The following NTF3 variants were observed in gnomAD, a reference collection of about 807,000 sequenced individuals.
NTF3 encodes the protein neurotrophin-3.
A neutral mutation model predicts 26.3 loss-of-function variants in NTF3; 8 were observed. The ratio of observed to expected loss-of-function variants is 0.30; its 90% confidence interval spans 0.18 to 0.55. The LOEUF (loss-of-function observed/expected upper bound fraction) is 0.55, where lower values mean the gene tolerates loss of function less well. Ranked by LOEUF, NTF3 falls within the 20% of genes least tolerant of loss-of-function variation. NTF3 has a pLI of 0.93. For missense variants in NTF3, 276 were observed against 352.9 expected (o/e 0.78, Z 1.75); for synonymous variants, 154 against 145.5 (o/e 1.06, Z -0.42).
rs980540397 is a variant in NTF3 at position 5,456,742 on chromosome 12, T to G, written c.18+24400T>G. Among the ~76,000 whole-genome samples the G allele has an allele frequency of 4.6e-5, 7 of 152,122 alleles. No individual in the cohort carries two copies. The highest frequency in any genetic ancestry group is 2.9e-5 in the Non-Finnish European group (2 of 68,010). Reference sequence around the variant, plus strand: ...ACAGATGGGATGACAAGGACCAAATTCTGTTTCTGGGCTCTGATATTTGCC... The same window carrying G: ...ACAGATGGGATGACAAGGACCAAATGCTGTTTCTGGGCTCTGATATTTGCC... On this transcript the variant is annotated intron_variant, in intron 1 of 1. Coordinates refer to ENST00000423158, the MANE Select transcript of NTF3 (RefSeq NM_001102654.2). The surrounding 1 kb of genome is among the most constrained non-coding windows in gnomAD (Gnocchi z 4.4).
At chr12:5,462,718 G>A (rs773951306) in intron 1 of NTF3, among the ~76,000 whole-genome samples, 1 of 152,206 alleles carries the variant, frequency 6.6e-6, no homozygotes, top group Non-Finnish European at 1.5e-5. Flanking sequence ...TTCTTAAGAT[G>A]CTTATTAAAT....
chr12:5,484,042 C>T (rs1191633927), intron 1 of NTF3, among the ~76,000 whole-genome samples: 1 of 152,164 alleles, frequency 6.6e-6, no homozygotes, highest in Admixed American at 6.5e-5. Context: ...TCATCTGGGA[C>T]CCCTGTGCCT....
chr12:5,480,295 C>G (rs557424462), intron 1 of NTF3, among the ~76,000 whole-genome samples: 1 of 152,244 alleles, frequency 6.6e-6, no homozygotes, highest in African/African-American at 2.4e-5. Context: ...ATTGGAAGTT[C>G]GGGTGGAAAA....
At chr12:5,430,338 A>G (rs894602299), upstream of NTF3, among the ~76,000 whole-genome samples, 8 of 151,972 alleles carry the variant, frequency 5.3e-5, no homozygotes, top group African/African-American at 1.9e-4. Context: ...GCCCAATCCA[A>G]ACCTTCATGG....
At chr12:5,446,975 C>T (rs1940314460) in intron 1 of NTF3, among the ~76,000 whole-genome samples, 3 of 152,132 alleles carry the variant, frequency 2.0e-5, no homozygotes, top group South Asian at 2.1e-4. Flanking sequence ...AGGTGGGCAG[C>T]GGGGTGGAGA....
intron 1 of NTF3, among the ~76,000 whole-genome samples, chr12:5,457,538 T>G (rs564053355): frequency 1.3e-5 from 2 of 152,170 alleles, no homozygotes; most frequent in Non-Finnish European, 2.9e-5. Context: ...CTTTTGCTCC[T>G]TTATCTGACC....
At chr12:5,463,294 T>G (rs868589846) in intron 1 of NTF3, among the ~76,000 whole-genome samples, 2 of 152,370 alleles carry the variant, frequency 1.3e-5, no homozygotes, top group Middle Eastern at 3.4e-3. Context: ...CTGAATCAAC[T>G]GTCTTTTTTC....
intron 1 of NTF3, among the ~76,000 whole-genome samples, chr12:5,436,640 C>T (rs188087413): frequency 3.0e-4 from 45 of 152,278 alleles, no homozygotes; most frequent in Admixed American, 1.6e-3. Context: ...GGTGCTAGCA[C>T]GTATGTAGGT....
At position 5,494,158 on chromosome 12, in the gene NTF3, C is replaced by A; in HGVS notation, c.19-36C>A. On this transcript the variant is annotated intron_variant, in intron 1 of 1. Transcript: ENST00000423158. This position sits in a 1 kb window ranked among gnomAD's most constrained non-coding sequence, Gnocchi z 8.3. Reference sequence around the variant, plus strand: ...GCCAGAATAACACAGACTCAGCTGCCAGAGCCTGCTCTTAACACCTGTGTT... The same window carrying A: ...GCCAGAATAACACAGACTCAGCTGCAAGAGCCTGCTCTTAACACCTGTGTT... 1 of 1,593,880 alleles carries A rather than the reference C, an allele frequency of 6.3e-7. No individual in the cohort carries two copies. Among genetic ancestry groups the A allele is most frequent in the South Asian group, 1.1e-5 (1 of 89,858 alleles).
chr12:5,489,177 T>C (rs1940904125), intron 1 of NTF3, among the ~76,000 whole-genome samples: 2 of 152,128 alleles, frequency 1.3e-5, no homozygotes. Flanking sequence ...GGGAATTGGA[T>C]TGTGTTTACT....
At chr12:5,491,478 G>A (rs944682779) in intron 1 of NTF3, among the ~76,000 whole-genome samples, 2 of 152,166 alleles carry the variant, frequency 1.3e-5, no homozygotes, top group African/African-American at 4.8e-5. Context: ...GGAAGTGGCA[G>A]GTGCTATCGT....
intron 1 of NTF3, among the ~76,000 whole-genome samples, chr12:5,453,822 G>A (rs978683584): frequency 9.9e-5 from 15 of 152,202 alleles, no homozygotes; most frequent in African/African-American, 3.6e-4. Context: ...AAGGGGAGGA[G>A]GGAGGAAGAT....
intron 1 of NTF3, among the ~76,000 whole-genome samples, chr12:5,447,185 T>G (rs575680700): frequency 3.9e-5 from 6 of 152,322 alleles, no homozygotes; most frequent in African/African-American, 1.2e-4. Context: ...TAGCTTTTGG[T>G]TTTTGATTAA....
intron 1 of NTF3, among the ~76,000 whole-genome samples, chr12:5,443,282 T>C (rs1399461856): frequency 2.6e-5 from 4 of 152,176 alleles, no homozygotes; most frequent in Non-Finnish European, 5.9e-5. Context: ...TCCCCGACCC[T>C]GCATCATGTA....
chr12:5,466,910 C>G (rs1185920617), intron 1 of NTF3, among the ~76,000 whole-genome samples: 1 of 151,964 alleles, frequency 6.6e-6, no homozygotes, highest in Non-Finnish European at 1.5e-5. Flanking sequence ...ACCTGCTAAC[C>G]CTATGAATTC....
chr12:5,449,798 C>T (rs1046811667), intron 1 of NTF3, among the ~76,000 whole-genome samples: 2 of 152,228 alleles, frequency 1.3e-5, no homozygotes, highest in African/African-American at 4.8e-5. Flanking sequence ...TGCATTTAGT[C>T]ACTTAGAACA....
chr12:5,471,677 T>C (rs776401193), intron 1 of NTF3, among the ~76,000 whole-genome samples: 2 of 152,108 alleles, frequency 1.3e-5, no homozygotes, highest in African/African-American at 2.4e-5. Context: ...AGGATGTTTG[T>C]ATAGAGGGGA....
At chr12:5,488,054 G>T (rs1940888672) in intron 1 of NTF3, among the ~76,000 whole-genome samples, 1 of 152,182 alleles carries the variant, frequency 6.6e-6, no homozygotes, top group Non-Finnish European at 1.5e-5. Flanking sequence ...AAGTGAATGA[G>T]GTGGAGGACA....
rs921136123 is a variant in NTF3 at position 5,456,609 on chromosome 12, C to G, written c.18+24267C>G. ...GTGAGCTCTGGGGGTCCTCTTCCACCCCCACCCCCACCCCCAGCCCCTGGA... is the reference window on the plus strand; with the variant it reads ...GTGAGCTCTGGGGGTCCTCTTCCACGCCCACCCCCACCCCCAGCCCCTGGA... On this transcript the variant is annotated intron_variant, in intron 1 of 1. Coordinates refer to ENST00000423158, the MANE Select transcript of NTF3 (RefSeq NM_001102654.2). This position sits in a 1 kb window ranked among gnomAD's most constrained non-coding sequence, Gnocchi z 4.4. Among the ~76,000 whole-genome samples the G allele has an allele frequency of 1.3e-5, 2 of 152,042 alleles. No individual in the cohort carries two copies. The highest frequency in any genetic ancestry group is 2.9e-5 in the Non-Finnish European group (2 of 68,008).
Sources: allele counts gnomAD v4.1 joint callset (sites outside exome capture counted in the v4.1 genomes callset), GRCh38; gene constraint gnomAD v4.1.1; non-coding constraint Gnocchi (gnomAD v3.1); transcripts MANE v1.5; gene names NCBI Gene and HGNC (gene_info 2026-07-23, HGNC 2026-07-21).